The following DCUN1D1 variants were observed in gnomAD, a reference collection of about 807,000 sequenced individuals.
The protein encoded by DCUN1D1 is DCN1-like protein 1.
A neutral mutation model predicts 39.0 loss-of-function variants in DCUN1D1; 3 were observed. The observed-to-expected ratio is 0.08, with a 90% CI of 0.04 to 0.20. DCUN1D1 has a LOEUF of 0.20. Ranked by LOEUF, DCUN1D1 falls within the 10% of genes least tolerant of loss-of-function variation. DCUN1D1 has a pLI of 1.00. For synonymous variants in DCUN1D1, 82 were observed against 96.3 expected, an observed-to-expected ratio of 0.85 and a Z score of 0.87; for missense variants, 158 against 302.4, an observed-to-expected ratio of 0.52 and a Z score of 3.54.
At chr3:182,962,795 TTTGAGATGGAG>T (rs1264788609) in intron 3 of DCUN1D1, among the ~76,000 whole-genome samples, 1 of 152,230 alleles carries the variant, frequency 6.6e-6, no homozygotes, top group Non-Finnish European at 1.5e-5. Context: ...TGTTGTTGTT[TTTGAGATGGAG>T]TATTGCTCTT....
chr3:182,952,180 T>C (rs2108631460), intron 4 of DCUN1D1, among the ~76,000 whole-genome samples: 1 of 152,326 alleles, frequency 6.6e-6, no homozygotes, highest in East Asian at 1.9e-4. Context: ...CTTAGAGAAC[T>C]GAGCATACCT....
upstream of DCUN1D1, among the ~76,000 whole-genome samples, chr3:182,983,152 A>G (rs1577212353): frequency 1.3e-5 from 2 of 151,874 alleles, no homozygotes; most frequent in Admixed American, 1.3e-4. Context: ...ATTTTCCACC[A>G]CCCTCCACCC....
At chr3:182,982,688 G>C (rs1184162020), upstream of DCUN1D1, among the ~76,000 whole-genome samples, 4 of 152,044 alleles carry the variant, frequency 2.6e-5, no homozygotes, top group African/African-American at 9.7e-5. Flanking sequence ...TGTCACCCAG[G>C]CTGGAGTACA....
chr3:182,961,104 T>C (rs1727359146), intron 4 of DCUN1D1, 122 bp downstream of exon 4: 2 of 735,734 alleles, frequency 2.7e-6, no homozygotes, highest in Non-Finnish European at 4.3e-6. Flanking sequence ...CTAATTACTT[T>C]TCAATAACTG....
chr3:182,982,156 C>G (rs1052332651), upstream of DCUN1D1, among the ~76,000 whole-genome samples: 3 of 152,194 alleles, frequency 2.0e-5, no homozygotes, highest in Non-Finnish European at 4.4e-5. Context: ...TAATTGACCT[C>G]TCGCCTGCGT....
At chr3:182,953,775 A>C (rs1176931357) in intron 4 of DCUN1D1, among the ~76,000 whole-genome samples, 1 of 152,212 alleles carries the variant, frequency 6.6e-6, no homozygotes, top group African/African-American at 2.4e-5. Flanking sequence ...AGAAAAAGAA[A>C]TAACTAAGTC....
chr3:182,955,963 C>G (rs1727037292), intron 4 of DCUN1D1: 1 of 149,644 alleles, frequency 6.7e-6, no homozygotes, highest in Non-Finnish European at 1.4e-5. Flanking sequence ...GAGTCTTGCT[C>G]TGTCGCCCAG....
chr3:182,951,477 A>G (rs1325939208), intron 4 of DCUN1D1, among the ~76,000 whole-genome samples: 3 of 151,668 alleles, frequency 2.0e-5, no homozygotes, highest in Non-Finnish European at 2.9e-5. Context: ...CCAGCCGAGC[A>G]TGGTTGTACA....
intron 4 of DCUN1D1, among the ~76,000 whole-genome samples, chr3:182,948,532 T>A (rs138218542): frequency 6.6e-6 from 1 of 152,154 alleles, no homozygotes. Context: ...ACTACACTTA[T>A]CACATGACAG....
chr3:182,964,823 T>C (rs185770073), intron 2 of DCUN1D1, among the ~76,000 whole-genome samples: 26 of 151,862 alleles, frequency 1.7e-4, no homozygotes, highest in South Asian at 8.3e-4. Flanking sequence ...GTATTTTTAG[T>C]AGAGACAGGG....
At chr3:182,973,755 T>G (rs1376132812) in intron 1 of DCUN1D1, among the ~76,000 whole-genome samples, 2 of 147,890 alleles carry the variant, frequency 1.4e-5, no homozygotes, top group Admixed American at 1.3e-4. Context: ...TGCAGTGAGC[T>G]GAAATTGTGC....
chr3:182,952,409 C>T (rs930419592), intron 4 of DCUN1D1, among the ~76,000 whole-genome samples: 6 of 151,730 alleles, frequency 4.0e-5, no homozygotes, highest in South Asian at 2.1e-4. Flanking sequence ...TACATTCAAC[C>T]GCCCCTAACA....
chr3:182,949,762 A>AC, intron 4 of DCUN1D1, among the ~76,000 whole-genome samples: 1 of 151,792 alleles, frequency 6.6e-6, no homozygotes, highest in East Asian at 1.9e-4. Flanking sequence ...CTACTTCCCC[A>AC]CCCCCACATA....
intron 1 of DCUN1D1, among the ~76,000 whole-genome samples, chr3:182,973,793 G>A (rs1455601051): frequency 2.0e-5 from 3 of 147,778 alleles, no homozygotes; most frequent in African/African-American, 5.1e-5. Context: ...GGTGACAAGT[G>A]CGAAACTCCG....
intron 1 of DCUN1D1, among the ~76,000 whole-genome samples, chr3:182,970,161 G>A (rs1727859816): frequency 2.0e-5 from 3 of 152,208 alleles, no homozygotes; most frequent in South Asian, 4.1e-4. Context: ...GGGAGGCTGA[G>A]GTGGGAAGAT....
chr3:182,952,472 C>G (rs1365843444), intron 4 of DCUN1D1, among the ~76,000 whole-genome samples: 2 of 152,198 alleles, frequency 1.3e-5, no homozygotes, highest in Non-Finnish European at 2.9e-5. Context: ...ATCTAACTGC[C>G]TGAAGACATC....
chr3:182,951,644 A>C (rs1262749862), intron 4 of DCUN1D1, among the ~76,000 whole-genome samples: 3 of 143,078 alleles, frequency 2.1e-5, no homozygotes, highest in Admixed American at 2.1e-4. Flanking sequence ...AAAAAAAAAA[A>C]AACCACCACA....
chr3:182,962,668 G>C (rs766120304), intron 3 of DCUN1D1, among the ~76,000 whole-genome samples: 9 of 152,180 alleles, frequency 5.9e-5, no homozygotes, highest in Non-Finnish European at 7.3e-5. Context: ...AGAGGTGGTA[G>C]CAGCTTACTG....
At position 182,939,845 on chromosome 3, in the gene DCUN1D1, C is replaced by G. The variant is rs543740165; in HGVS notation, c.*5249G>C. 6.6e-6 allele frequency: 1 copy of G among 152,160 alleles called. No homozygotes were observed. The highest frequency in any genetic ancestry group is 2.4e-5 in the African/African-American group (1 of 41,518). 9.4% of individuals were successfully genotyped at this position (152,160 alleles called of 1,614,324 possible). ...TTTACAGTGTGTAAATTATACAAAG[C>G]AATTTTTTAAGTACCATTGTAACAA... On this transcript the variant is annotated 3_prime_UTR_variant, in exon 7 of 7. Transcript: ENST00000292782.
Sources: gnomAD v4.1 joint callset for allele counts (sites outside exome capture counted in the v4.1 genomes callset) on GRCh38, gnomAD v4.1.1 for gene constraint, MANE v1.5 for transcripts, NCBI Gene and HGNC (gene_info 2026-07-23, HGNC 2026-07-21) for gene names.